DPYSL2: variants seen among roughly 807,000 people sequenced by gnomAD.
DPYSL2 encodes dihydropyrimidinase-related protein 2.
Under a neutral mutation model 69.9 loss-of-function variants are expected in DPYSL2, and 13 were observed. The observed-to-expected ratio is 0.19, with a 90% CI of 0.12 to 0.30. The LOEUF (loss-of-function observed/expected upper bound fraction) is 0.30, where lower values mean the gene tolerates loss of function less well. Among genes scored for constraint, DPYSL2 ranks in the 10% least tolerant of loss-of-function variants. DPYSL2 has a pLI of 1.00. For synonymous variants in DPYSL2, 326 were observed against 359.1 expected, an observed-to-expected ratio of 0.91 and a Z score of 1.04; for missense variants, 587 against 918.9, an observed-to-expected ratio of 0.64 and a Z score of 4.67.
At chr8:26,530,620 T>G (rs897629906) in intron 1 of DPYSL2, among the ~76,000 whole-genome samples, 3 of 152,214 alleles carry the variant, frequency 2.0e-5, no homozygotes, top group Non-Finnish European at 4.4e-5. Context: ...TTCTTTGTCC[T>G]TCCTTCTGGC....
chr8:26,601,085 C>T (rs951314417), intron 3 of DPYSL2, among the ~76,000 whole-genome samples: 7 of 152,200 alleles, frequency 4.6e-5, no homozygotes, highest in African/African-American at 1.7e-4. Flanking sequence ...TGGAGATTCC[C>T]TCCTGATCTC....
At chr8:26,649,133 T>C (rs1258730419) in intron 11 of DPYSL2, among the ~76,000 whole-genome samples, 1 of 152,248 alleles carries the variant, frequency 6.6e-6, no homozygotes, top group Non-Finnish European at 1.5e-5. Context: ...CTGGTATTAT[T>C]ATCCCAATTT....
intron 3 of DPYSL2, among the ~76,000 whole-genome samples, chr8:26,604,291 G>A (rs1351189856): frequency 6.6e-6 from 1 of 152,220 alleles, no homozygotes; most frequent in Non-Finnish European, 1.5e-5. Context: ...TGGAGTTTGG[G>A]TGAGGAGTCA....
At chr8:26,592,108 C>T (rs1439725808) in intron 3 of DPYSL2, among the ~76,000 whole-genome samples, 1 of 152,086 alleles carries the variant, frequency 6.6e-6, no homozygotes, top group African/African-American at 2.4e-5. Flanking sequence ...TTATGACAGC[C>T]CATAATAGGT....
chr8:26,611,532 T>C (rs2129854273), intron 3 of DPYSL2, among the ~76,000 whole-genome samples: 2 of 152,296 alleles, frequency 1.3e-5, no homozygotes, highest in Admixed American at 1.3e-4. Context: ...AAGTTCGTGT[T>C]TCTCCCACTG....
chr8:26,612,350 G>A (rs143337746), intron 3 of DPYSL2, among the ~76,000 whole-genome samples: 1,648 of 152,246 alleles, frequency 0.011, 25 homozygotes, highest in African/African-American at 0.037. Context: ...AGAGAAAACC[G>A]TTTAAAATAG....
Position 26,624,694 on chromosome 8 carries a change from G to C in DPYSL2, c.793+387G>C, listed in dbSNP as rs1802577649. 6.6e-6 allele frequency among the ~76,000 whole-genome samples: 1 copy of C among 152,216 alleles called. No individual in the cohort carries two copies. Among genetic ancestry groups the C allele is most frequent in the African/African-American group, 2.4e-5 (1 of 41,456 alleles). Reference sequence around the variant, plus strand: ...CTCAGTGAGGATTTGACAGTCTCAGGAGAGTGTTGGGCAGCCCCTTCCTAC... The same window carrying C: ...CTCAGTGAGGATTTGACAGTCTCAGCAGAGTGTTGGGCAGCCCCTTCCTAC... On this transcript the variant is annotated intron_variant, in intron 4 of 13. Transcript: ENST00000521913. The surrounding 1 kb of genome is among the most constrained non-coding windows in gnomAD (Gnocchi z 4.7).
intron 1 of DPYSL2, 80 bp from the exon 2 acceptor site, chr8:26,581,889 G>A: frequency 9.2e-7 from 1 of 1,091,228 alleles, no homozygotes; most frequent in Non-Finnish European, 1.4e-6. Flanking sequence ...CAGTGAAAAT[G>A]TATCCTTAGC....
chr8:26,550,428 A>G (rs1189711582), intron 1 of DPYSL2, among the ~76,000 whole-genome samples: 1 of 152,156 alleles, frequency 6.6e-6, no homozygotes, highest in Non-Finnish European at 1.5e-5. Flanking sequence ...AGCATAGAAG[A>G]TATTAATCCA....
Position 26,657,078 on chromosome 8 carries a change from C to T in DPYSL2, c.*1372C>T, listed in dbSNP as rs1037764168. 25 of 152,146 alleles carry T rather than the reference C, an allele frequency of 1.6e-4. No homozygotes were observed. Among genetic ancestry groups the T allele is most frequent in the African/African-American group, 5.8e-4 (24 of 41,490 alleles). The allele number at this position is 152,146 out of a possible 1,614,324, so 9.4% of individuals were successfully genotyped here. A position where few individuals can be genotyped will look rare whatever the true frequency, so the allele number is the denominator to read the frequency against. On this transcript the variant is annotated 3_prime_UTR_variant, in exon 14 of 14. Transcript: ENST00000521913. ...GGAAAAACCGTATTTTTTTCTTGTC[C>T]AATTATTTCTAAAGACACACTACAT...
intron 1 of DPYSL2, among the ~76,000 whole-genome samples, chr8:26,552,833 T>C (rs1176798149): frequency 6.6e-6 from 1 of 152,182 alleles, no homozygotes; most frequent in Non-Finnish European, 1.5e-5. Context: ...ATTCTACCTC[T>C]CAACACTGCT....
Position 26,627,208 on chromosome 8 carries a change from C to G in DPYSL2, c.856-7C>G. 1 of 1,614,098 alleles carries G rather than the reference C, an allele frequency of 6.2e-7. No homozygotes were observed. The highest frequency in any genetic ancestry group is 1.1e-5 in the South Asian group (1 of 91,078). On this transcript the variant is annotated splice_region_variant and splice_polypyrimidine_tract_variant and intron_variant, in intron 5 of 13. Coordinates refer to ENST00000521913, the MANE Select transcript of DPYSL2 (RefSeq NM_001197293.3). The surrounding 1 kb of genome is among the most constrained non-coding windows in gnomAD (Gnocchi z 6.9). ...TGTCTCTGATCCCACCCTTGTCTCT[C>G]TCTCAGATTTATGAAGTACTGAGTG...
chr8:26,526,422 A>G (rs1278073808), intron 1 of DPYSL2, among the ~76,000 whole-genome samples: 3 of 152,186 alleles, frequency 2.0e-5, no homozygotes, highest in Non-Finnish European at 4.4e-5. Context: ...GCAATAGGTC[A>G]TGTTATTGAA....
Position 26,533,555 on chromosome 8 carries a change from A to AGGGGTCTAACTTCATTATTTTGCCT in DPYSL2, c.354+18878_354+18902dup, listed in dbSNP as rs1800544369. Among the ~76,000 whole-genome samples the AGGGGTCTAACTTCATTATTTTGCCT allele has an allele frequency of 6.6e-6, 1 of 152,220 alleles. No homozygotes were observed. The highest frequency in any genetic ancestry group is 2.4e-5 in the African/African-American group (1 of 41,452). On this transcript the variant is annotated intron_variant, in intron 1 of 13. Coordinates refer to ENST00000521913, the MANE Select transcript of DPYSL2 (RefSeq NM_001197293.3). The surrounding 1 kb of genome is among the most constrained non-coding windows in gnomAD (Gnocchi z 4.8). ...TTAATTTTTCTATGTGGTATGAGAC[A>AGGGGTCTAACTTCATTATTTTGCCT]GGGGTCTAACTTCATTATTTTGCCT... is the stretch of plus-strand genomic sequence containing the variant.
rs146480563 is a variant in DPYSL2 at position 26,565,717 on chromosome 8, A to G, written c.355-16252A>G. Among the ~76,000 whole-genome samples the G allele has an allele frequency of 5.3e-5, 8 of 152,362 alleles. No individual in the cohort carries two copies. In the East Asian group the frequency reaches 1.5e-3, roughly 29 times the overall value. On this transcript the variant is annotated intron_variant, in intron 1 of 13. Coordinates refer to ENST00000521913, the MANE Select transcript of DPYSL2 (RefSeq NM_001197293.3). This position sits in a 1 kb window ranked among gnomAD's most constrained non-coding sequence, Gnocchi z 4.1. ...GAGCACAAAAGGAGTTTATTTGTAT[A>G]TCACATAATAGTTCAAGGTGGGTGT...
chr8:26,645,400 C>G (rs1803140314), intron 10 of DPYSL2, among the ~76,000 whole-genome samples: 1 of 151,214 alleles, frequency 6.6e-6, no homozygotes, highest in Admixed American at 6.6e-5. Flanking sequence ...GACCCTGTTT[C>G]AAAAAATAAT....
chr8:26,562,481 C>G lies in DPYSL2; in HGVS notation c.355-19488C>G, dbSNP rs1025521861. 6.6e-6 allele frequency among the ~76,000 whole-genome samples: 1 copy of G among 152,156 alleles called. No individual in the cohort carries two copies. Among genetic ancestry groups the G allele is most frequent in the Non-Finnish European group, 1.5e-5 (1 of 68,036 alleles). ...TCTTACTGGTTGCCTCTGTTTGACC[C>G]TTGCACCACCACACTACAGCTGGAA... On this transcript the variant is annotated intron_variant, in intron 1 of 13. Coordinates refer to ENST00000521913, the MANE Select transcript of DPYSL2 (RefSeq NM_001197293.3). The surrounding 1 kb of genome is among the most constrained non-coding windows in gnomAD (Gnocchi z 4.9).
rs1337664749 is a variant in DPYSL2 at position 26,640,244 on chromosome 8, G to T, written c.1127-3195G>T. The stretch of plus-strand genomic sequence containing the variant: ...CATGAATGCACACGGGCCCCAGACT[G>T]GTTGTAAATAAGCACCAGCTCCCAT... On this transcript the variant is annotated intron_variant, in intron 8 of 13. Transcript: ENST00000521913. The surrounding 1 kb of genome is among the most constrained non-coding windows in gnomAD (Gnocchi z 4.2). Among the ~76,000 whole-genome samples, 1 of 152,182 alleles carries T rather than the reference G, an allele frequency of 6.6e-6. No individual in the cohort carries two copies. The highest frequency in any genetic ancestry group is 2.4e-5 in the African/African-American group (1 of 41,452).
chr8:26,579,773 C>G (rs1801443928), intron 1 of DPYSL2, among the ~76,000 whole-genome samples: 1 of 152,062 alleles, frequency 6.6e-6, no homozygotes, highest in Non-Finnish European at 1.5e-5. Context: ...GTTCACTGTG[C>G]AGGAGGAAGG....
Sources: allele counts gnomAD v4.1 joint callset (sites outside exome capture counted in the v4.1 genomes callset), GRCh38; gene constraint gnomAD v4.1.1; non-coding constraint Gnocchi (gnomAD v3.1); transcripts MANE v1.5; gene names NCBI Gene and HGNC (gene_info 2026-07-23, HGNC 2026-07-21).